The following BCKDHB variants were observed in gnomAD, a reference collection of about 807,000 sequenced individuals.
BCKDHB encodes 2-oxoisovalerate dehydrogenase subunit beta, mitochondrial.
In BCKDHB, 41 loss-of-function variants were observed where a neutral mutation model predicts 48.5. The observed-to-expected ratio is 0.85, with a 90% CI of 0.66 to 1.10. The LOEUF (loss-of-function observed/expected upper bound fraction) is 1.10. Among genes scored for constraint, BCKDHB ranks in the 50% least tolerant of loss-of-function variants. The pLI is 0.00. For missense variants in BCKDHB, 496 were observed against 494.2 expected (o/e 1.00, Z -0.03); for synonymous variants, 201 against 174.8 (o/e 1.15, Z -1.18).
chr6:80,402,865 T>G, the BCKDHB span, among the ~76,000 whole-genome samples: 1 of 151,906 alleles, frequency 6.6e-6, no homozygotes, highest in Non-Finnish European at 1.5e-5. Flanking sequence ...GAGATTATCC[T>G]TGCTCCATTG....
intron 1 of BCKDHB, among the ~76,000 whole-genome samples, chr6:80,112,698 C>T (rs879623025): frequency 1.3e-5 from 2 of 152,204 alleles, no homozygotes; most frequent in Non-Finnish European, 2.9e-5. Flanking sequence ...TGTGCTAGAC[C>T]TCAGAACCTC....
downstream of BCKDHB, among the ~76,000 whole-genome samples, chr6:80,347,908 G>C (rs375518235): frequency 3.9e-5 from 6 of 152,304 alleles, no homozygotes; most frequent in East Asian, 9.6e-4. Context: ...GAAGGCACTT[G>C]AGAGATTTTA....
chr6:80,374,605 CCATTCTATATCTTTT>C, the BCKDHB span: 1 of 591,432 alleles, frequency 1.7e-6, no homozygotes, highest in South Asian at 1.8e-5. Context: ...AGGAAAAGAG[CCATTCTATATCTTTT>C]AAGTGGAGCA....
chr6:80,155,503 G>T (rs969636916), intron 3 of BCKDHB, among the ~76,000 whole-genome samples: 3 of 152,114 alleles, frequency 2.0e-5, no homozygotes, highest in Non-Finnish European at 2.9e-5. Flanking sequence ...GTAACAATTC[G>T]ATTTCCTTAT....
intron 5 of BCKDHB, chr6:80,169,810 G>C: frequency 6.2e-7 from 1 of 1,606,530 alleles, no homozygotes; most frequent in African/African-American, 1.3e-5. Context: ...TTTTCTACCA[G>C]ATCAAAGTTA....
At chr6:80,232,809 G>T (rs1010105061) in intron 8 of BCKDHB, among the ~76,000 whole-genome samples, 3 of 151,084 alleles carry the variant, frequency 2.0e-5, no homozygotes, top group Non-Finnish European at 4.4e-5. Context: ...GTGTGTGTAT[G>T]TGTGTTTGTG....
At chr6:80,295,249 A>G (rs1243743785) in intron 9 of BCKDHB, among the ~76,000 whole-genome samples, 2 of 152,214 alleles carry the variant, frequency 1.3e-5, no homozygotes, top group Non-Finnish European at 2.9e-5. Flanking sequence ...CGATAAAGAC[A>G]TACCTGAAAC....
At chr6:80,283,939 C>T (rs1052359274) in intron 9 of BCKDHB, among the ~76,000 whole-genome samples, 3 of 152,090 alleles carry the variant, frequency 2.0e-5, no homozygotes, top group African/African-American at 7.2e-5. Context: ...AAAATGAAGA[C>T]ACATATTCAA....
At chr6:80,279,581 G>T (rs1413353579) in intron 9 of BCKDHB, among the ~76,000 whole-genome samples, 1 of 151,436 alleles carries the variant, frequency 6.6e-6, no homozygotes, top group Non-Finnish European at 1.5e-5. Flanking sequence ...GATCCTCATT[G>T]GGTCTAGCAA....
At chr6:80,313,383 T>G (rs1768265256) in intron 9 of BCKDHB, among the ~76,000 whole-genome samples, 1 of 152,142 alleles carries the variant, frequency 6.6e-6, no homozygotes, top group Non-Finnish European at 1.5e-5. Flanking sequence ...TTCTTTGAGA[T>G]GGAGTCTCGC....
In BCKDHB at chr6:80,344,100, G is replaced by A; in HGVS notation, c.*296G>A. 2.6e-6 allele frequency: 1 copy of A among 386,292 alleles called. No homozygotes were observed. The highest frequency in any genetic ancestry group is 8.6e-4 in the Middle Eastern group (1 of 1,166). 23.9% of individuals were successfully genotyped at this position (386,292 alleles called of 1,614,324 possible). A position where few individuals can be genotyped will look rare whatever the true frequency, so the allele number is the denominator to read the frequency against. ...ACTGCAACCTCCCCCCTACCCCTGA[G>A]TTCAAGCGATTCTCCTGCCTCAGCC... On this transcript the variant is annotated 3_prime_UTR_variant, in exon 10 of 10. Transcript: ENST00000320393.
chr6:80,282,668 G>A (rs1766397484), intron 9 of BCKDHB, among the ~76,000 whole-genome samples: 1 of 151,894 alleles, frequency 6.6e-6, no homozygotes, highest in Non-Finnish European at 1.5e-5. Flanking sequence ...TACTTTACTT[G>A]CTCAATGTTG....
At chr6:80,392,485 G>T in the BCKDHB span, among the ~76,000 whole-genome samples, 1 of 151,100 alleles carries the variant, frequency 6.6e-6, no homozygotes, top group South Asian at 2.1e-4. Context: ...ACCTTTCCTA[G>T]TTTATTATGG....
intron 1 of BCKDHB, 28 bp from the exon 2 acceptor site, chr6:80,127,519 G>T: frequency 6.4e-7 from 1 of 1,552,342 alleles, no homozygotes; most frequent in African/African-American, 1.3e-5. Flanking sequence ...TACAACACAC[G>T]AAATGATTTT....
chr6:80,347,003 G>GCAA (rs2128023396), downstream of BCKDHB, among the ~76,000 whole-genome samples: 1 of 143,492 alleles, frequency 7.0e-6, no homozygotes, highest in East Asian at 2.0e-4. Context: ...AAAGCAAAAA[G>GCAA]AAAAAAAAAA....
chr6:80,386,470 T>C, the BCKDHB span, among the ~76,000 whole-genome samples: 1 of 151,738 alleles, frequency 6.6e-6, no homozygotes, highest in Non-Finnish European at 1.5e-5. Context: ...GCAAAATAGA[T>C]TTGTGAGGGC....
At chr6:80,303,583 T>C (rs1767696870) in intron 9 of BCKDHB, among the ~76,000 whole-genome samples, 1 of 152,080 alleles carries the variant, frequency 6.6e-6, no homozygotes, top group African/African-American at 2.4e-5. Flanking sequence ...GGCGTTCATC[T>C]ATGTCAAGCA....
intron 9 of BCKDHB, among the ~76,000 whole-genome samples, chr6:80,315,961 C>T (rs1242833094): frequency 1.3e-5 from 2 of 152,162 alleles, no homozygotes; most frequent in South Asian, 2.1e-4. Context: ...TATTAACTGG[C>T]CTGTAAAAGA....
intron 9 of BCKDHB, among the ~76,000 whole-genome samples, chr6:80,312,576 T>C (rs1768222508): frequency 6.6e-6 from 1 of 152,196 alleles, no homozygotes; most frequent in South Asian, 2.1e-4. Flanking sequence ...CATACATATA[T>C]GGCTCTTAGT....
Sources: gnomAD v4.1 joint callset for allele counts (sites outside exome capture counted in the v4.1 genomes callset) on GRCh38, gnomAD v4.1.1 for gene constraint, MANE v1.5 for transcripts, NCBI Gene and HGNC (gene_info 2026-07-23, HGNC 2026-07-21) for gene names.